MYO16: variants seen among roughly 807,000 people sequenced by gnomAD.
MYO16 encodes the protein unconventional myosin-XVI.
In MYO16, 94 loss-of-function variants were observed where a neutral mutation model predicts 205.3. The ratio of observed to expected loss-of-function variants is 0.46; its 90% CI spans 0.39 to 0.54. The LOEUF (loss-of-function observed/expected upper bound fraction) is 0.54, where lower values mean the gene tolerates loss of function less well. Among genes scored for constraint, MYO16 ranks in the 20% least tolerant of loss-of-function variants. MYO16 has a pLI of 0.00. For missense variants in MYO16, 2,315 were observed against 2,387.5 expected (o/e 0.97, Z 0.63); for synonymous variants, 988 against 954.0 (o/e 1.04, Z -0.66).
In MYO16 at chr13:109,125,075, T is replaced by C. The variant is rs746416917; in HGVS notation, c.3536-37T>C. The C allele has an allele frequency of 1.9e-6, 3 of 1,603,026 alleles. No individual in the cohort carries two copies. Among genetic ancestry groups the C allele is most frequent in the Middle Eastern group, 1.7e-4 (1 of 5,972 alleles). On this transcript the variant is annotated intron_variant, in intron 29 of 34. Transcript: ENST00000457511. This position sits in a 1 kb window ranked among gnomAD's most constrained non-coding sequence, Gnocchi z 4.0. ...TTGTGCATGTCTGAGTTTTTCACTT[T>C]TCCTCCATTTACTAACCCATGATCC...
At position 108,884,953 on chromosome 13, in the gene MYO16, T is replaced by C. The variant is rs112276801; in HGVS notation, c.1553+1767T>C. 3.5e-3 allele frequency among the ~76,000 whole-genome samples: 503 copies of C among 144,048 alleles called. 4 individuals carry two copies. Among genetic ancestry groups the C allele is most frequent in the African/African-American group, 0.013 (479 of 38,134 alleles). The allele number at this position is 144,048 out of a possible 152,430, so 94.5% of individuals were successfully genotyped here. ...TCACCCATTCTAGACACGAGGGTGA[T>C]AAAGATGCTGAGACAGGGGCTCTCA... On this transcript the variant is annotated intron_variant, in intron 13 of 34. Transcript: ENST00000457511.
At chr13:108,978,101 C>T (rs1884330761) in intron 20 of MYO16, among the ~76,000 whole-genome samples, 1 of 151,464 alleles carries the variant, frequency 6.6e-6, no homozygotes, top group African/African-American at 2.4e-5. Context: ...TTCTATTATA[C>T]ATTAATTTAT....
At chr13:108,910,873 G>A (rs9521096) in intron 16 of MYO16, among the ~76,000 whole-genome samples, 50,847 of 151,858 alleles carry the variant, frequency 0.33, 9,050 homozygotes, top group Non-Finnish European at 0.4. Context: ...GGTGGGGGGC[G>A]GTGGTGGGAA....
intron 16 of MYO16, among the ~76,000 whole-genome samples, chr13:108,938,329 G>A (rs1357245530): frequency 6.6e-6 from 1 of 152,188 alleles, no homozygotes; most frequent in Non-Finnish European, 1.5e-5. Context: ...GAATCTCTCT[G>A]TTGCCTCAGG....
rs147973817 is a variant in MYO16 at position 108,733,689 on chromosome 13, G to A, written c.507+6106G>A. Among the ~76,000 whole-genome samples, 1,258 of 152,306 alleles carry A rather than the reference G, an allele frequency of 8.3e-3. 18 individuals are homozygous for A. Among genetic ancestry groups the A allele is most frequent in the African/African-American group, 0.027 (1,122 of 41,562 alleles). Reference sequence around the variant, plus strand: ...AATATTACACAGTAGAGGGCCGGGCGTGGTGGATCACACATGTAATCCCAG... The same window carrying A: ...AATATTACACAGTAGAGGGCCGGGCATGGTGGATCACACATGTAATCCCAG... On this transcript the variant is annotated intron_variant, in intron 4 of 34. Transcript: ENST00000457511.
intron 1 of MYO16, among the ~76,000 whole-genome samples, chr13:108,601,993 G>T (rs1269933050): frequency 1.3e-5 from 2 of 151,674 alleles, no homozygotes. Flanking sequence ...CTGGGCCACG[G>T]GGTGGTGAGG....
intron 21 of MYO16, among the ~76,000 whole-genome samples, chr13:109,006,788 G>T (rs796078403): frequency 9.2e-5 from 14 of 152,208 alleles, no homozygotes; most frequent in African/African-American, 3.1e-4. Flanking sequence ...GTGCAGATGA[G>T]GGAACATAAA....
chr13:109,003,082 G>T (rs1281548857), intron 21 of MYO16, among the ~76,000 whole-genome samples: 1 of 151,824 alleles, frequency 6.6e-6, no homozygotes, highest in Admixed American at 6.6e-5. Flanking sequence ...CATTTTAATG[G>T]ACACATTACA....
chr13:109,088,843 C>T (rs553110181), intron 27 of MYO16, among the ~76,000 whole-genome samples: 294 of 152,296 alleles, frequency 1.9e-3, no homozygotes, highest in Non-Finnish European at 3.3e-3. Context: ...GTGAACAGCC[C>T]CGCCGAGGGC....
At chr13:108,887,867 A>G (rs1312655891) in intron 13 of MYO16, among the ~76,000 whole-genome samples, 1 of 152,142 alleles carries the variant, frequency 6.6e-6, no homozygotes, top group Non-Finnish European at 1.5e-5. Context: ...CAGAAGAGGT[A>G]ACGTCTCTCC....
rs150856619 is a variant in MYO16, at chr13:108,776,074, A to G, written c.508-9561A>G. 2.4e-4 allele frequency among the ~76,000 whole-genome samples: 37 copies of G among 152,306 alleles called. No individual in the cohort carries two copies. In the East Asian group the frequency reaches 4.6e-3, roughly 19 times the overall value. ...GTAAAATATTTTACTCTAGCCTGCCAAGGAATCTACATTCCCAGCTTCAAA... is the reference window on the plus strand; with the variant it reads ...GTAAAATATTTTACTCTAGCCTGCCGAGGAATCTACATTCCCAGCTTCAAA... On this transcript the variant is annotated intron_variant, in intron 4 of 34. Transcript: ENST00000457511.
chr13:108,997,983 C>T (rs1885090833), intron 21 of MYO16, among the ~76,000 whole-genome samples: 1 of 152,184 alleles, frequency 6.6e-6, no homozygotes, highest in Non-Finnish European at 1.5e-5. Context: ...CTGGACACTT[C>T]AGATGACCTG....
chr13:108,823,218 T>C lies in MYO16; in HGVS notation c.1037T>C (p.Leu346Ser), dbSNP rs1481434752. 1 of 1,613,290 alleles carries C rather than the reference T, an allele frequency of 6.2e-7. No individual in the cohort carries two copies. The highest frequency in any genetic ancestry group is 1.1e-5 in the South Asian group (1 of 91,028). ...KMKEPLSAST[L>S]AQEEPYEEII... Reference sequence around the variant, plus strand: ...AAAGAGCCTTTATCTGCTTCTACCTTAGCTCAAGAAGAGCCCTATGAAGAG... The same window carrying C: ...AAAGAGCCTTTATCTGCTTCTACCTCAGCTCAAGAAGAGCCCTATGAAGAG... The change falls in exon 9 of 35, where the codon TTA becomes TCA. Residue 346 changes from leucine (L) to serine (S), a missense_variant. Coordinates refer to ENST00000457511, the MANE Select transcript of MYO16 (RefSeq NM_001198950.3).
chr13:108,705,972 C>A (rs781038924), intron 2 of MYO16, among the ~76,000 whole-genome samples: 43 of 152,036 alleles, frequency 2.8e-4, no homozygotes, highest in Non-Finnish European at 5.7e-4. Flanking sequence ...GGAATACAGC[C>A]TAACACACTC....
the MYO16 span, among the ~76,000 whole-genome samples, chr13:108,589,951 G>A: frequency 1.3e-5 from 2 of 152,080 alleles, no homozygotes; most frequent in South Asian, 2.1e-4. Context: ...AATTTCCTCA[G>A]TTTAATTCTT....
At chr13:108,844,019 T>C (rs1314803996) in intron 9 of MYO16, among the ~76,000 whole-genome samples, 1 of 152,194 alleles carries the variant, frequency 6.6e-6, no homozygotes, top group Non-Finnish European at 1.5e-5. Flanking sequence ...TTAAATCTTG[T>C]CTAGTTCAGC....
At chr13:108,917,111 G>A (rs1458710282) in intron 16 of MYO16, among the ~76,000 whole-genome samples, 2 of 151,906 alleles carry the variant, frequency 1.3e-5, no homozygotes, top group African/African-American at 2.4e-5. Context: ...ATGCACGCAC[G>A]CACACACACA....
chr13:109,010,710 T>G (rs1885562885), intron 22 of MYO16, among the ~76,000 whole-genome samples: 1 of 152,108 alleles, frequency 6.6e-6, no homozygotes, highest in African/African-American at 2.4e-5. Context: ...TAAGTTTGTA[T>G]GTGAACCTGT....
At chr13:108,501,549 G>T in the MYO16 span, among the ~76,000 whole-genome samples, 5 of 152,206 alleles carry the variant, frequency 3.3e-5, no homozygotes, top group East Asian at 1.9e-4. Flanking sequence ...TTGCAAAAAG[G>T]TCTGATTATT....
Sources: allele counts gnomAD v4.1 joint callset (sites outside exome capture counted in the v4.1 genomes callset), GRCh38; gene constraint gnomAD v4.1.1; non-coding constraint Gnocchi (gnomAD v3.1); transcripts MANE v1.5; gene names NCBI Gene and HGNC (gene_info 2026-07-23, HGNC 2026-07-21).